CTNNA3: variants seen among roughly 807,000 people sequenced by gnomAD.
The protein encoded by CTNNA3 is catenin alpha-3.
Under a neutral mutation model 95.7 loss-of-function variants are expected in CTNNA3, and 76 were observed. That is an observed-to-expected ratio of 0.79 (90% confidence interval 0.66 to 0.96). CTNNA3 has a LOEUF of 0.96. Among genes scored for constraint, CTNNA3 ranks in the 40% least tolerant of loss-of-function variants. CTNNA3 has a pLI of 0.00. For missense variants in CTNNA3, 1,191 were observed against 1,089.8 expected (o/e 1.09, Z -1.31); for synonymous variants, 431 against 374.4 (o/e 1.15, Z -1.74).
intron 12 of CTNNA3, among the ~76,000 whole-genome samples, chr10:66,317,519 A>G (rs1321860276): frequency 6.6e-6 from 1 of 151,916 alleles, no homozygotes; most frequent in East Asian, 1.9e-4. Context: ...TAAAAATACA[A>G]AAGATTAGCT....
intron 9 of CTNNA3, among the ~76,000 whole-genome samples, chr10:66,701,680 T>C (rs1847947500): frequency 1.3e-5 from 2 of 152,212 alleles, no homozygotes; most frequent in South Asian, 2.1e-4. Context: ...CTGATGTTTG[T>C]ATACGGATCT....
chr10:67,515,631 A>G (rs1260599954), intron 5 of CTNNA3, among the ~76,000 whole-genome samples: 1 of 152,236 alleles, frequency 6.6e-6, no homozygotes, highest in African/African-American at 2.4e-5. Context: ...GATCTGGTAA[A>G]TAAGAAATAG....
chr10:66,066,511 C>CAAATGGCAGAA (rs1417063755), intron 15 of CTNNA3, among the ~76,000 whole-genome samples: 2 of 152,038 alleles, frequency 1.3e-5, no homozygotes, highest in Non-Finnish European at 2.9e-5. Flanking sequence ...GAAATTGAAC[C>CAAATGGCAGAA]ATGGGCCAAA....
chr10:67,295,291 A>C (rs1839990100), intron 5 of CTNNA3, among the ~76,000 whole-genome samples: 1 of 152,244 alleles, frequency 6.6e-6, no homozygotes, highest in Non-Finnish European at 1.5e-5. Context: ...AAGGTCTCAG[A>C]AAGAAAGCAG....
intron 15 of CTNNA3, among the ~76,000 whole-genome samples, chr10:66,014,317 C>A (rs2079055456): frequency 6.6e-6 from 1 of 151,640 alleles, no homozygotes; most frequent in Non-Finnish European, 1.5e-5. Context: ...TGGCCTTCAG[C>A]AATGTGGTTG....
chr10:67,699,904 C>T (rs568882394), upstream of CTNNA3, among the ~76,000 whole-genome samples: 247 of 152,316 alleles, frequency 1.6e-3, no homozygotes, highest in African/African-American at 5.7e-3. Context: ...CCTGGAAAAT[C>T]GGGTCACTCC....
At chr10:67,430,601 T>C (rs1425844771) in intron 5 of CTNNA3, among the ~76,000 whole-genome samples, 1 of 151,902 alleles carries the variant, frequency 6.6e-6, no homozygotes, top group Non-Finnish European at 1.5e-5. Context: ...TATGATCCCC[T>C]CCTTCATGTA....
At chr10:67,570,690 A>G (rs190609075) in intron 3 of CTNNA3, among the ~76,000 whole-genome samples, 3 of 152,322 alleles carry the variant, frequency 2.0e-5, no homozygotes. Flanking sequence ...AAACTTTGCT[A>G]TCTCTAGTGT....
At chr10:66,583,229 T>G (rs1383402155) in intron 10 of CTNNA3, among the ~76,000 whole-genome samples, 4 of 151,882 alleles carry the variant, frequency 2.6e-5, no homozygotes, top group Non-Finnish European at 5.9e-5. Context: ...ATTCTTTGGA[T>G]GTCTGGTAGA....
At chr10:66,475,635 G>C (rs1057232004) in intron 11 of CTNNA3, among the ~76,000 whole-genome samples, 3 of 152,024 alleles carry the variant, frequency 2.0e-5, no homozygotes, top group Non-Finnish European at 4.4e-5. Flanking sequence ...CTGATCATTA[G>C]AAAAATGCAA....
At chr10:67,013,388 A>T (rs1034637497) in intron 7 of CTNNA3, among the ~76,000 whole-genome samples, 5 of 151,970 alleles carry the variant, frequency 3.3e-5, no homozygotes, top group African/African-American at 1.2e-4. Flanking sequence ...AAAACTAAAA[A>T]AATTAATAAT....
At chr10:67,455,109 T>G (rs746872842) in intron 5 of CTNNA3, among the ~76,000 whole-genome samples, 8 of 152,180 alleles carry the variant, frequency 5.3e-5, no homozygotes, top group Non-Finnish European at 8.8e-5. Context: ...GTCCTCCAGA[T>G]GATTCGATTG....
chr10:67,371,008 A>C (rs972577400), intron 5 of CTNNA3, among the ~76,000 whole-genome samples: 5 of 149,458 alleles, frequency 3.3e-5, no homozygotes, highest in Non-Finnish European at 7.5e-5. Context: ...CTGGGACTAC[A>C]GGCGCCCGCC....
intron 7 of CTNNA3, among the ~76,000 whole-genome samples, chr10:66,812,355 T>C (rs1841914868): frequency 6.6e-6 from 1 of 152,188 alleles, no homozygotes; most frequent in Non-Finnish European, 1.5e-5. Flanking sequence ...CATAGAAATC[T>C]GGTATTTTGT....
At chr10:66,644,940 A>C (rs1192084962) in intron 9 of CTNNA3, among the ~76,000 whole-genome samples, 1 of 152,228 alleles carries the variant, frequency 6.6e-6, no homozygotes, top group South Asian at 2.1e-4. Flanking sequence ...CAGTGCCCCC[A>C]CACAACCACT....
At chr10:66,594,344 T>C (rs1843643255) in intron 10 of CTNNA3, among the ~76,000 whole-genome samples, 1 of 152,166 alleles carries the variant, frequency 6.6e-6, no homozygotes, top group Admixed American at 6.5e-5. Context: ...ACAATTTCAA[T>C]AGCTTCCTAC....
intron 7 of CTNNA3, among the ~76,000 whole-genome samples, chr10:67,031,873 C>T (rs1302093125): frequency 2.6e-5 from 4 of 152,122 alleles, no homozygotes; most frequent in Admixed American, 6.5e-5. Flanking sequence ...TATTGGGCCA[C>T]AAAACATGCT....
chr10:66,062,632 TCA>T (rs2080226328), intron 15 of CTNNA3, among the ~76,000 whole-genome samples: 1 of 152,190 alleles, frequency 6.6e-6, no homozygotes, highest in Non-Finnish European at 1.5e-5. Flanking sequence ...TGGAGATTTA[TCA>T]CAGTTTATAT....
intron 13 of CTNNA3, among the ~76,000 whole-genome samples, chr10:66,179,813 T>C (rs2085942174): frequency 6.6e-6 from 1 of 152,162 alleles, no homozygotes; most frequent in Admixed American, 6.5e-5. Context: ...ATTCCTGTGT[T>C]CACATCAATA....
Sources: gnomAD v4.1 joint callset for allele counts (sites outside exome capture counted in the v4.1 genomes callset) on GRCh38, gnomAD v4.1.1 for gene constraint, MANE v1.5 for transcripts, NCBI Gene and HGNC (gene_info 2026-07-23, HGNC 2026-07-21) for gene names.